Variants in DGKB observed in about 807,000 individuals in gnomAD.
DGKB encodes 90 kDa diacylglycerol kinase.
In DGKB, 67 loss-of-function variants were observed where a neutral mutation model predicts 114.3. That is an observed-to-expected ratio of 0.59 (90% CI 0.48 to 0.72). The LOEUF is 0.72. Among genes scored for constraint, DGKB ranks in the 30% least tolerant of loss-of-function variants. The probability of loss-of-function intolerance (pLI) is 0.00; values close to 1 mark genes in which losing one functional copy is unlikely to be tolerated. For synonymous variants in DGKB, 398 were observed against 323.1 expected (o/e 1.23, Z -2.49); for missense variants, 907 against 975.2 (o/e 0.93, Z 0.93).
chr7:14,769,051 G>A (rs1303869488), intron 2 of DGKB, among the ~76,000 whole-genome samples: 1 of 139,184 alleles, frequency 7.2e-6, no homozygotes, highest in Non-Finnish European at 1.5e-5. Flanking sequence ...CCCCTACACT[G>A]TGTAAACATT....
intron 20 of DGKB, among the ~76,000 whole-genome samples, chr7:14,530,511 A>C (rs1013992440): frequency 3.3e-5 from 5 of 151,536 alleles, no homozygotes; most frequent in Non-Finnish European, 1.5e-5. Flanking sequence ...TAAAATTTAT[A>C]CCTCCTTTAT....
At chr7:14,801,580 T>A (rs1015731454) in intron 2 of DGKB, among the ~76,000 whole-genome samples, 10 of 152,060 alleles carry the variant, frequency 6.6e-5, no homozygotes, top group Admixed American at 5.9e-4. Context: ...ATGGAAGAAT[T>A]TGTCCCTTTT....
intron 2 of DGKB, among the ~76,000 whole-genome samples, chr7:14,758,935 A>AGAT (rs1835302055): frequency 7.1e-6 from 1 of 141,694 alleles, no homozygotes; most frequent in African/African-American, 3.1e-5. Flanking sequence ...ATAGATAGAT[A>AGAT]CATAGATAGA....
At chr7:14,266,624 C>T (rs548088815) in intron 23 of DGKB, among the ~76,000 whole-genome samples, 2 of 152,172 alleles carry the variant, frequency 1.3e-5, no homozygotes, top group African/African-American at 2.4e-5. Flanking sequence ...TTCTAAATAC[C>T]AACGTACCAA....
intron 23 of DGKB, among the ~76,000 whole-genome samples, chr7:14,236,402 G>A (rs561651210): frequency 3.3e-5 from 5 of 151,698 alleles, no homozygotes; most frequent in African/African-American, 1.2e-4. Context: ...AAGGTAGGAT[G>A]AACCAGAGAC....
intron 20 of DGKB, among the ~76,000 whole-genome samples, chr7:14,535,669 C>A (rs1792351547): frequency 6.6e-6 from 1 of 152,118 alleles, no homozygotes; most frequent in Non-Finnish European, 1.5e-5. Context: ...CTTACTGCAA[C>A]CTCCGCCTCC....
intron 23 of DGKB, among the ~76,000 whole-genome samples, chr7:14,216,904 ATT>A (rs1789076893): frequency 6.6e-6 from 1 of 151,972 alleles, no homozygotes; most frequent in Non-Finnish European, 1.5e-5. Flanking sequence ...ATTATGAATG[ATT>A]TTTTGTTTCT....
intron 2 of DGKB, among the ~76,000 whole-genome samples, chr7:14,827,559 C>A (rs1250097065): frequency 6.6e-6 from 1 of 152,020 alleles, no homozygotes; most frequent in Non-Finnish European, 1.5e-5. Flanking sequence ...CATAACTAAC[C>A]CATATTATGT....
intron 21 of DGKB, among the ~76,000 whole-genome samples, chr7:14,360,151 A>G (rs1366436941): frequency 6.6e-6 from 1 of 152,152 alleles, no homozygotes; most frequent in Admixed American, 6.5e-5. Flanking sequence ...GGATGAGTTC[A>G]TGTCCTTTGC....
At chr7:14,197,234 A>C (rs1361665502) in intron 23 of DGKB, among the ~76,000 whole-genome samples, 1 of 152,022 alleles carries the variant, frequency 6.6e-6, no homozygotes, top group Non-Finnish European at 1.5e-5. Flanking sequence ...TAAAAATACT[A>C]TTGCAGTGAA....
intron 21 of DGKB, among the ~76,000 whole-genome samples, chr7:14,439,808 G>C (rs1829810396): frequency 6.8e-6 from 1 of 147,538 alleles, no homozygotes; most frequent in Non-Finnish European, 1.5e-5. Context: ...AAGTTTCAGT[G>C]AGCCTGAGAT....
intron 1 of DGKB, among the ~76,000 whole-genome samples, chr7:14,966,901 A>G (rs914290313): frequency 6.6e-6 from 1 of 152,204 alleles, no homozygotes; most frequent in Non-Finnish European, 1.5e-5. Flanking sequence ...AAAATAAAAT[A>G]ATGCAAGATG....
intron 20 of DGKB, among the ~76,000 whole-genome samples, chr7:14,485,300 G>GGTGT (rs60976022): frequency 0.013 from 1,859 of 141,958 alleles, 13 homozygotes; most frequent in African/African-American, 0.027. Flanking sequence ...ATGCTCATGA[G>GGTGT]GTGTGTGTGT....
intron 13 of DGKB, 58 bp from the exon 14 acceptor site, chr7:14,630,326 C>T: frequency 7.3e-7 from 1 of 1,368,804 alleles, no homozygotes; most frequent in Non-Finnish European, 1.0e-6. Context: ...CAAAACAAAT[C>T]AGTGAAGTTT....
intron 21 of DGKB, among the ~76,000 whole-genome samples, chr7:14,359,020 C>T (rs1815163832): frequency 6.6e-6 from 1 of 152,044 alleles, no homozygotes; most frequent in South Asian, 2.1e-4. Context: ...AAGAACAAAG[C>T]TGGAAGCATC....
intron 20 of DGKB, among the ~76,000 whole-genome samples, chr7:14,520,512 G>T (rs1229245402): frequency 2.0e-5 from 3 of 151,336 alleles, no homozygotes; most frequent in African/African-American, 4.8e-5. Context: ...ATAAAGTTTT[G>T]TATGTTAGAG....
intron 21 of DGKB, among the ~76,000 whole-genome samples, chr7:14,458,941 A>C (rs1363807895): frequency 6.6e-6 from 1 of 152,200 alleles, no homozygotes; most frequent in Non-Finnish European, 1.5e-5. Context: ...CCAGCAAGCT[A>C]AGATCCACTG....
intron 1 of DGKB, among the ~76,000 whole-genome samples, chr7:14,943,342 C>A (rs181724132): frequency 2.7e-5 from 4 of 150,594 alleles, no homozygotes; most frequent in Non-Finnish European, 5.9e-5. Context: ...AAGAAAAAAA[C>A]CTCTATAATT....
chr7:14,286,194 T>C lies in DGKB; in HGVS notation c.2122+52321A>G, dbSNP rs187325463. ...GAAGCCCTACATGAAATCTATCTTA[T>C]AGATTTCACACAACACCTGTGAGTC... is the stretch of plus-strand genomic sequence containing the variant. On this transcript the variant is annotated intron_variant, in intron 23 of 25. Coordinates refer to ENST00000402815, the MANE Select transcript of DGKB (RefSeq NM_001350709.2). Among the ~76,000 whole-genome samples the C allele has an allele frequency of 2.2e-4, 33 of 152,258 alleles. No individual in the cohort carries two copies. The East Asian group carries it at 6.2e-3, about 28-fold the overall frequency.
Sources: gnomAD v4.1 joint callset for allele counts (sites outside exome capture counted in the v4.1 genomes callset) on GRCh38, gnomAD v4.1.1 for gene constraint, MANE v1.5 for transcripts, NCBI Gene and HGNC (gene_info 2026-07-23, HGNC 2026-07-21) for gene names.